The following CCDC73 variants were observed in gnomAD, a reference collection of about 807,000 sequenced individuals.
CCDC73 encodes the protein coiled-coil domain containing 73.
Under a neutral mutation model 116.5 loss-of-function variants are expected in CCDC73, and 95 were observed. The ratio of observed to expected loss-of-function variants is 0.82; its 90% CI spans 0.69 to 0.97. The LOEUF (loss-of-function observed/expected upper bound fraction) is 0.97, where lower values mean the gene tolerates loss of function less well. CCDC73 is among the 50% of genes least tolerant of loss of function. The pLI is 0.00. For missense variants in CCDC73, 1,066 were observed against 1,206.8 expected, an observed-to-expected ratio of 0.88 and a Z score of 1.73; for synonymous variants, 398 against 401.3, an observed-to-expected ratio of 0.99 and a Z score of 0.10.
chr11:32,687,898 T>C (rs1450716050), intron 6 of CCDC73, among the ~76,000 whole-genome samples: 1 of 152,126 alleles, frequency 6.6e-6, no homozygotes, highest in African/African-American at 2.4e-5. Flanking sequence ...AGAAAAATGC[T>C]GAAAGAATGA....
At chr11:32,794,589 A>C (rs760160314) in intron 1 of CCDC73, 24 bp downstream of exon 1, 2 of 152,128 alleles carry the variant, frequency 1.3e-5, no homozygotes, top group Non-Finnish European at 2.9e-5. Context: ...GCCCAACTAC[A>C]CGCTTGTGAC....
At chr11:32,618,642 T>C (rs1167746541) in intron 14 of CCDC73, among the ~76,000 whole-genome samples, 3 of 152,216 alleles carry the variant, frequency 2.0e-5, no homozygotes, top group Non-Finnish European at 4.4e-5. Flanking sequence ...AACCTCCGCC[T>C]CCTGGGTTCA....
chr11:32,708,910 G>C (rs1258778607), intron 3 of CCDC73, among the ~76,000 whole-genome samples: 1 of 151,770 alleles, frequency 6.6e-6, no homozygotes, highest in East Asian at 1.9e-4. Context: ...TCTTTCTTTT[G>C]TCTGATTGCT....
chr11:32,670,142 T>C (rs1856022416), intron 9 of CCDC73, among the ~76,000 whole-genome samples: 1 of 152,326 alleles, frequency 6.6e-6, no homozygotes, highest in Admixed American at 6.5e-5. Flanking sequence ...CCAGCAATAA[T>C]TCCTTGCAAT....
At chr11:32,718,172 T>A in intron 2 of CCDC73, 25 bp from the exon 3 acceptor site, 1 of 1,511,090 alleles carries the variant, frequency 6.6e-7, no homozygotes, top group Admixed American at 1.8e-5. Flanking sequence ...AAAAGAAAAG[T>A]GCTATAAAAA....
chr11:32,635,695 C>T lies in CCDC73; in HGVS notation c.1185+1G>A. 1 of 1,297,328 alleles carries T rather than the reference C, an allele frequency of 7.7e-7. No individual in the cohort carries two copies. Among genetic ancestry groups the T allele is most frequent in the African/African-American group, 1.5e-5 (1 of 65,546 alleles). The allele number at this position is 1,297,328 out of a possible 1,614,324, so 80.4% of individuals were successfully genotyped here. A position where few individuals can be genotyped will look rare whatever the true frequency, so the allele number is the denominator to read the frequency against. The stretch of plus-strand genomic sequence containing the variant: ...TACCCCACAACATACTTAAATTTTA[C>T]CTGAAACTTTTTGTCTTCCTCAAAT... On this transcript the variant is annotated splice_donor_variant, in intron 14 of 17. Transcript: ENST00000335185. LOFTEE classifies it high-confidence loss of function.
chr11:32,770,718 G>A (rs1227270583), intron 1 of CCDC73, among the ~76,000 whole-genome samples: 1 of 152,168 alleles, frequency 6.6e-6, no homozygotes, highest in African/African-American at 2.4e-5. Flanking sequence ...TCTGACTAAG[G>A]TGACTTCTAG....
chr11:32,799,514 C>T (rs1565104614), upstream of CCDC73, among the ~76,000 whole-genome samples: 1 of 152,004 alleles, frequency 6.6e-6, no homozygotes, highest in Admixed American at 6.6e-5. Flanking sequence ...GAATGTGAAT[C>T]TTTATTACAA....
intron 1 of CCDC73, among the ~76,000 whole-genome samples, chr11:32,766,732 A>G (rs1414129684): frequency 6.6e-6 from 1 of 152,242 alleles, no homozygotes; most frequent in African/African-American, 2.4e-5. Context: ...TGCTTCAAAG[A>G]GAATAAAATA....
In CCDC73 at chr11:32,613,570, A is replaced by G. The variant is rs1310897728; in HGVS notation, c.2748T>C (p.Ile916=). ...TCGAACTGCTCGCTGTTTGACTTTC[A>G]ATGTGATTTACTTTTGACCAAGGAC... ...DPGPWSKVNH[I]ESQTASSSTP... is the part of the protein sequence containing the mutation. The change falls in exon 16 of 18, where the codon ATT becomes ATC. Residue 916 remains isoleucine (I), a synonymous_variant. Transcript: ENST00000335185. The G allele has an allele frequency of 1.2e-6, 2 of 1,613,992 alleles. No individual in the cohort carries two copies. Among genetic ancestry groups the G allele is most frequent in the Non-Finnish European group, 1.7e-6 (2 of 1,180,014 alleles).
At chr11:32,762,653 T>C (rs918781715) in intron 1 of CCDC73, among the ~76,000 whole-genome samples, 1 of 151,966 alleles carries the variant, frequency 6.6e-6, no homozygotes, top group Admixed American at 6.6e-5. Flanking sequence ...TGGCCAAATA[T>C]GAACAGCTCC....
chr11:32,613,408 CT>C lies in CCDC73; in HGVS notation c.2896+13del. On this transcript the variant is annotated intron_variant, in intron 16 of 17. Coordinates refer to ENST00000335185, the MANE Select transcript of CCDC73 (RefSeq NM_001008391.4). ...AAATATTTTGAGAATTAAAACATTA[CT>C]TTGTTTTCTTACCTGGTCCAATATC... is the stretch of plus-strand genomic sequence containing the variant. 1 of 1,562,476 alleles carries C rather than the reference CT, an allele frequency of 6.4e-7. No individual in the cohort carries two copies. Among genetic ancestry groups the C allele is most frequent in the Non-Finnish European group, 8.7e-7 (1 of 1,147,912 alleles).
At chr11:32,612,769 A>G (rs1855433435) in intron 16 of CCDC73, among the ~76,000 whole-genome samples, 1 of 152,030 alleles carries the variant, frequency 6.6e-6, no homozygotes, top group Admixed American at 6.6e-5. Context: ...GCAAAAAACA[A>G]AACAAAAACA....
the CCDC73 span, chr11:32,829,944 C>T: frequency 1.0e-6 from 1 of 985,644 alleles, no homozygotes; most frequent in Non-Finnish European, 1.2e-6. Flanking sequence ...GGCCGCCTCC[C>T]CGGACCGAGG....
chr11:32,668,240 A>G (rs1252186294), intron 9 of CCDC73, among the ~76,000 whole-genome samples: 1 of 152,174 alleles, frequency 6.6e-6, no homozygotes, highest in Non-Finnish European at 1.5e-5. Flanking sequence ...GTACTAATAA[A>G]TGGCATGAAT....
At chr11:32,677,160 A>G (rs939704623) in intron 7 of CCDC73, among the ~76,000 whole-genome samples, 3 of 152,206 alleles carry the variant, frequency 2.0e-5, no homozygotes, top group East Asian at 1.9e-4. Flanking sequence ...CTGGCACTCA[A>G]TAATTGTTTT....
chr11:32,823,596 C>T, the CCDC73 span, among the ~76,000 whole-genome samples: 3 of 150,628 alleles, frequency 2.0e-5, no homozygotes, highest in Non-Finnish European at 4.4e-5. Flanking sequence ...TATACAAATT[C>T]AGTACAAACC....
intron 2 of CCDC73, among the ~76,000 whole-genome samples, chr11:32,749,827 T>C (rs966931076): frequency 1.3e-5 from 2 of 151,982 alleles, no homozygotes; most frequent in African/African-American, 4.8e-5. Flanking sequence ...AGAAGAATTA[T>C]CTGAATTACC....
chr11:32,692,114 T>C (rs190590472), intron 6 of CCDC73, among the ~76,000 whole-genome samples: 1 of 152,008 alleles, frequency 6.6e-6, no homozygotes, highest in African/African-American at 2.4e-5. Flanking sequence ...CTCCTACGTT[T>C]TCTTCTAGGA....
Sources: allele counts gnomAD v4.1 joint callset (sites outside exome capture counted in the v4.1 genomes callset), GRCh38; gene constraint gnomAD v4.1.1; transcripts MANE v1.5; gene names NCBI Gene and HGNC (gene_info 2026-07-23, HGNC 2026-07-21).